NKAIN2: variants seen among roughly 807,000 people sequenced by gnomAD.
NKAIN2 encodes sodium/potassium transporting ATPase interacting 2.
NKAIN2 carries 14 observed loss-of-function variants against 32.6 expected under a neutral mutation model. That is an observed-to-expected ratio of 0.43 (90% CI 0.28 to 0.67). The LOEUF (loss-of-function observed/expected upper bound fraction) is 0.67, where lower values mean the gene tolerates loss of function less well. Among genes scored for constraint, NKAIN2 ranks in the 30% least tolerant of loss-of-function variants. The pLI is 0.17. For missense variants in NKAIN2, 198 were observed against 258.3 expected (o/e 0.77, Z 1.60); for synonymous variants, 80 against 87.2 (o/e 0.92, Z 0.46).
intron 1 of NKAIN2, among the ~76,000 whole-genome samples, chr6:124,199,551 G>T (rs777935764): frequency 6.6e-6 from 1 of 152,192 alleles, no homozygotes; most frequent in South Asian, 2.1e-4. Flanking sequence ...GTCCCAAAAG[G>T]CTGTCTGGAA....
chr6:124,477,623 CTTCTTT>C (rs1777272729), intron 3 of NKAIN2, among the ~76,000 whole-genome samples: 1 of 151,256 alleles, frequency 6.6e-6, no homozygotes, highest in African/African-American at 2.4e-5. Context: ...TCTTCCTTTT[CTTCTTT>C]TTCTTCTTCT....
intron 3 of NKAIN2, among the ~76,000 whole-genome samples, chr6:124,590,978 A>G (rs191391779): frequency 1.3e-5 from 2 of 152,210 alleles, no homozygotes; most frequent in Admixed American, 6.5e-5. Flanking sequence ...TGAGAGAGAC[A>G]CCATGTATAT....
At chr6:123,900,906 G>A (rs1023669048) in intron 1 of NKAIN2, among the ~76,000 whole-genome samples, 1 of 151,888 alleles carries the variant, frequency 6.6e-6, no homozygotes, top group Non-Finnish European at 1.5e-5. Flanking sequence ...GTAAAAGATG[G>A]GATATATTTA....
At chr6:124,687,662 A>ATATT (rs201966032) in intron 4 of NKAIN2, among the ~76,000 whole-genome samples, 1,912 of 4,470 alleles carry the variant, frequency 0.43, 146 homozygotes, top group East Asian at 0.51. Flanking sequence ...GAGAGAATAT[A>ATATT]CCATATATAT....
Position 124,370,857 on chromosome 6 carries a change from G to A in NKAIN2, c.273+15510G>A, listed in dbSNP as rs755018407. On this transcript the variant is annotated intron_variant, in intron 3 of 6. Coordinates refer to ENST00000368417, the MANE Select transcript of NKAIN2 (RefSeq NM_001040214.3). ...CACTCGCAAAGGCTGTGACCCCCCC[G>A]GAAGGTACACCCAGTACACTCGATT... is the stretch of plus-strand genomic sequence containing the variant. Among the ~76,000 whole-genome samples the A allele has an allele frequency of 1.4e-4, 22 of 151,980 alleles. 1 individual carries two copies. Among genetic ancestry groups the A allele is most frequent in the Admixed American group, 2.6e-4 (4 of 15,246 alleles).
chr6:124,221,409 G>T (rs1450114317), intron 1 of NKAIN2, among the ~76,000 whole-genome samples: 1 of 124,976 alleles, frequency 8.0e-6, no homozygotes, highest in Non-Finnish European at 1.7e-5. Context: ...ACTGTTGTGG[G>T]GTGAGGGGAG....
intron 1 of NKAIN2, among the ~76,000 whole-genome samples, chr6:124,104,166 A>G (rs1176959699): frequency 1.3e-5 from 2 of 152,172 alleles, no homozygotes; most frequent in Admixed American, 6.6e-5. Context: ...TCGCTCCCCT[A>G]TTTCTCCAGA....
chr6:124,752,266 A>C (rs186409881), intron 4 of NKAIN2, among the ~76,000 whole-genome samples: 4 of 152,148 alleles, frequency 2.6e-5, no homozygotes, highest in Non-Finnish European at 5.9e-5. Context: ...GACATTCTCC[A>C]GAATAATTTT....
chr6:124,699,176 C>G (rs1774643687), intron 4 of NKAIN2, among the ~76,000 whole-genome samples: 2 of 152,158 alleles, frequency 1.3e-5, no homozygotes, highest in South Asian at 4.1e-4. Context: ...GCTTGAGGAA[C>G]TCAGTCACAT....
At chr6:124,680,759 A>C (rs902341043) in intron 4 of NKAIN2, among the ~76,000 whole-genome samples, 1 of 152,058 alleles carries the variant, frequency 6.6e-6, no homozygotes, top group Non-Finnish European at 1.5e-5. Flanking sequence ...TTACTTGACC[A>C]CTGCAGATAA....
intron 1 of NKAIN2, among the ~76,000 whole-genome samples, chr6:124,264,786 T>A (rs937989383): frequency 2.0e-5 from 3 of 152,218 alleles, no homozygotes; most frequent in East Asian, 1.9e-4. Context: ...GTTGCTTTTT[T>A]AAAATCTATA....
chr6:124,015,294 T>C lies in NKAIN2; in HGVS notation c.54+211040T>C, dbSNP rs140247697. ...TCTTTGTGAGTGAATGTCTTAGAGA[T>C]GGGACCATAACTGAGTTCTCACCAA... On this transcript the variant is annotated intron_variant, in intron 1 of 6. Coordinates refer to ENST00000368417, the MANE Select transcript of NKAIN2 (RefSeq NM_001040214.3). 5.0e-3 allele frequency among the ~76,000 whole-genome samples: 756 copies of C among 152,334 alleles called. 3 individuals are homozygous for C. Among genetic ancestry groups the C allele is most frequent in the Non-Finnish European group, 8.0e-3 (541 of 68,026 alleles).
chr6:124,583,852 AATTC>A (rs1424846814), intron 3 of NKAIN2, among the ~76,000 whole-genome samples: 1 of 152,202 alleles, frequency 6.6e-6, no homozygotes, highest in Non-Finnish European at 1.5e-5. Flanking sequence ...ATCTACAGTG[AATTC>A]ATTTTCCATA....
intron 1 of NKAIN2, among the ~76,000 whole-genome samples, chr6:124,259,765 T>C (rs1207762690): frequency 1.3e-5 from 2 of 151,920 alleles, no homozygotes; most frequent in Admixed American, 6.5e-5. Context: ...ATGACTATTA[T>C]GGTGGTTCTT....
At chr6:124,413,329 G>A (rs369527497) in intron 3 of NKAIN2, among the ~76,000 whole-genome samples, 57 of 152,248 alleles carry the variant, frequency 3.7e-4, no homozygotes, top group African/African-American at 1.2e-3. Flanking sequence ...TTGTGGCACC[G>A]TTTATTGAAA....
intron 3 of NKAIN2, among the ~76,000 whole-genome samples, chr6:124,460,721 A>C (rs1776499075): frequency 6.6e-6 from 1 of 151,692 alleles, no homozygotes; most frequent in South Asian, 2.1e-4. Context: ...TAACTGCTTT[A>C]AATTTGGCTT....
chr6:124,144,971 T>G (rs1406145106), intron 1 of NKAIN2, among the ~76,000 whole-genome samples: 1 of 152,064 alleles, frequency 6.6e-6, no homozygotes, highest in Admixed American at 6.6e-5. Context: ...GCAAAAGACA[T>G]GGTCAGACAT....
intron 3 of NKAIN2, among the ~76,000 whole-genome samples, chr6:124,514,656 G>T (rs930708271): frequency 1.3e-5 from 2 of 151,582 alleles, no homozygotes; most frequent in African/African-American, 4.9e-5. Context: ...GGGTTCTCCA[G>T]TAAGTAGAAA....
At chr6:124,683,619 G>A (rs901432644) in intron 4 of NKAIN2, among the ~76,000 whole-genome samples, 1 of 152,060 alleles carries the variant, frequency 6.6e-6, no homozygotes, top group Non-Finnish European at 1.5e-5. Flanking sequence ...TCCAGGGTGC[G>A]TGCTTGACCA....
Sources: allele counts gnomAD v4.1 joint callset (sites outside exome capture counted in the v4.1 genomes callset), GRCh38; gene constraint gnomAD v4.1.1; transcripts MANE v1.5; gene names NCBI Gene and HGNC (gene_info 2026-07-23, HGNC 2026-07-21).